The following MYOM1 variants were observed in gnomAD, a reference collection of about 807,000 sequenced individuals.
The protein encoded by MYOM1 is myomesin-1.
Under a neutral mutation model 205.3 loss-of-function variants are expected in MYOM1, and 164 were observed. The observed-to-expected ratio is 0.80, with a 90% CI of 0.70 to 0.91. The LOEUF (loss-of-function observed/expected upper bound fraction) is 0.91. Among genes scored for constraint, MYOM1 ranks in the 40% least tolerant of loss-of-function variants. MYOM1 has a pLI of 0.00. For synonymous variants in MYOM1, 772 were observed against 789.4 expected (o/e 0.98, Z 0.37); for missense variants, 2,011 against 2,127.3 (o/e 0.95, Z 1.08).
At chr18:3,139,233 TA>T (rs1190454887) in intron 14 of MYOM1, among the ~76,000 whole-genome samples, 1 of 152,222 alleles carries the variant, frequency 6.6e-6, no homozygotes, top group Non-Finnish European at 1.5e-5. Flanking sequence ...AAATCTTGGC[TA>T]TGTTCGTTCC....
chr18:3,102,575 G>A lies in MYOM1; in HGVS notation c.3474C>T (p.Phe1158=), dbSNP rs752205650. ...VDDDGVISLN[F]ECDKMTPKSE... is the part of the protein sequence containing the mutation. Reference sequence around the variant, plus strand: ...ACTTTGGAGTCATCTTATCACACTCGAAGTTCAATGAAATGACTCCATCAT... The same window carrying A: ...ACTTTGGAGTCATCTTATCACACTCAAAGTTCAATGAAATGACTCCATCAT... Residue 1158 remains phenylalanine, a synonymous_variant, in exon 23 of 38, where the codon TTC becomes TTT. Transcript: ENST00000356443. 5.0e-6 allele frequency: 8 copies of A among 1,613,702 alleles called. No individual in the cohort carries two copies. The highest frequency in any genetic ancestry group is 3.3e-5 in the Admixed American group (2 of 59,994).
chr18:3,127,242 G>A (rs1276055171), intron 18 of MYOM1, among the ~76,000 whole-genome samples: 1 of 139,242 alleles, frequency 7.2e-6, no homozygotes, highest in East Asian at 2.2e-4. Context: ...AATGGAATGT[G>A]TATATCAATT....
At position 3,129,285 on chromosome 18, in the gene MYOM1, G is replaced by A. The variant is rs1330770771; in HGVS notation, c.2741C>T (p.Ala914Val). Reference sequence around the variant, plus strand: ...AGACTTACTTTTCCCCTGAGGAGCCGCTTTCTGTGGTGGCGGGGTAAGCTC... The same window carrying A: ...AGACTTACTTTTCCCCTGAGGAGCCACTTTCTGTGGTGGCGGGGTAAGCTC... ...QEELTPPPQK[A>V]APQGKSKSDP... The change falls in exon 18 of 38, where the codon GCG becomes GTG. Residue 914 changes from alanine (A) to valine (V), a missense_variant. Transcript: ENST00000356443. 3.1e-6 allele frequency: 5 copies of A among 1,613,966 alleles called. No homozygotes were observed. Among genetic ancestry groups the A allele is most frequent in the South Asian group, 1.1e-5 (1 of 91,080 alleles).
intron 34 of MYOM1, among the ~76,000 whole-genome samples, chr18:3,078,225 A>G (rs2079042212): frequency 6.6e-6 from 1 of 152,044 alleles, no homozygotes; most frequent in South Asian, 2.1e-4. Context: ...TATTTTTAGT[A>G]GAGACGCGGT....
chr18:3,081,852 A>T (rs922830516), intron 33 of MYOM1, among the ~76,000 whole-genome samples: 6 of 152,228 alleles, frequency 3.9e-5, no homozygotes, highest in Non-Finnish European at 8.8e-5. Flanking sequence ...TTTATATAAC[A>T]GTAAAGTCAT....
intron 19 of MYOM1, 135 bp from the exon 20 acceptor site, chr18:3,120,130 T>C (rs1426903206): frequency 8.3e-7 from 1 of 1,201,732 alleles, no homozygotes; most frequent in African/African-American, 1.5e-5. Context: ...ACACCCCTTT[T>C]GTAATCTCCT....
chr18:3,217,512 C>T (rs900691434), intron 1 of MYOM1, among the ~76,000 whole-genome samples: 1 of 152,110 alleles, frequency 6.6e-6, no homozygotes, highest in African/African-American at 2.4e-5. Flanking sequence ...CCAGAGGAGA[C>T]ATTTTAAGTG....
chr18:3,091,813 C>T (rs2079230908), intron 26 of MYOM1, among the ~76,000 whole-genome samples: 1 of 152,042 alleles, frequency 6.6e-6, no homozygotes, highest in South Asian at 2.1e-4. Flanking sequence ...CTAATTGCAA[C>T]CTCGGCCTCC....
At chr18:3,115,205 C>T (rs2143814009) in intron 21 of MYOM1, among the ~76,000 whole-genome samples, 1 of 152,254 alleles carries the variant, frequency 6.6e-6, no homozygotes, top group South Asian at 2.1e-4. Flanking sequence ...TTCAGTCCTT[C>T]CTTGAACTTT....
chr18:3,183,342 G>A (rs1318036388), intron 5 of MYOM1, among the ~76,000 whole-genome samples: 2 of 152,218 alleles, frequency 1.3e-5, no homozygotes, highest in Non-Finnish European at 2.9e-5. Context: ...TTTAATGAGG[G>A]ATGTGTGTGC....
chr18:3,194,300 A>AAATGGTCTATAT (rs1178185918), intron 2 of MYOM1, among the ~76,000 whole-genome samples: 2 of 152,212 alleles, frequency 1.3e-5, no homozygotes, highest in Admixed American at 1.3e-4. Context: ...CAGTCTATAT[A>AAATGGTCTATAT]AATGGTTTGA....
Position 3,188,834 on chromosome 18 carries a change from C to A in MYOM1, c.685G>T (p.Ala229Ser), listed in dbSNP as rs762212739. 2 of 1,612,608 alleles carry A rather than the reference C, an allele frequency of 1.2e-6. No homozygotes were observed. The highest frequency in any genetic ancestry group is 1.7e-6 in the Non-Finnish European group (2 of 1,179,170). Residue 229 changes from alanine (A) to serine (S), a missense_variant, in exon 4 of 38, where the codon GCT becomes TCT. Coordinates refer to ENST00000356443, the MANE Select transcript of MYOM1 (RefSeq NM_003803.4). ...QSVVSKQATSALQQEETSEKK... is the reference protein window; with the variant it reads ...QSVVSKQATSSLQQEETSEKK... The stretch of plus-strand genomic sequence containing the variant: ...TCAGAAGTTTCTTCCTGTTGAAGAG[C>A]GGATGTGGCCTGTTTGGAAACCACA...
chr18:3,111,052 C>T (rs368329138), intron 22 of MYOM1, among the ~76,000 whole-genome samples: 2 of 2,180 alleles, frequency 9.2e-4, no homozygotes, highest in African/African-American at 1.8e-3. Context: ...CCTGGGTTCA[C>T]GCGATTTTCC....
intron 29 of MYOM1, among the ~76,000 whole-genome samples, chr18:3,087,674 G>C (rs1201395946): frequency 1.3e-5 from 2 of 152,048 alleles, no homozygotes; most frequent in Non-Finnish European, 2.9e-5. Context: ...ATTTTTAGTA[G>C]AGACGGGGTT....
rs924081617 is a variant in MYOM1 at position 3,155,019 on chromosome 18, T to C, written c.1571A>G (p.Asp524Gly). Residue 524 changes from aspartate (D) to glycine (G), a missense_variant, in exon 11 of 38, where the codon GAT becomes GGT. Coordinates refer to ENST00000356443, the MANE Select transcript of MYOM1 (RefSeq NM_003803.4). ...LDVKCLEANK[D>G]YIIISWKQPA... The stretch of plus-strand genomic sequence containing the variant: ...CTGTTTCCAGGAGATGATGATATAA[T>C]CTTTGTTGGCCTCCAAGCACTTCAC... 1.2e-6 allele frequency: 2 copies of C among 1,613,508 alleles called. No homozygotes were observed. Among genetic ancestry groups the C allele is most frequent in the East Asian group, 4.5e-5 (2 of 44,868 alleles).
chr18:3,097,975 T>C (rs1044748972), intron 25 of MYOM1, among the ~76,000 whole-genome samples: 2 of 152,186 alleles, frequency 1.3e-5, no homozygotes, highest in Non-Finnish European at 2.9e-5. Flanking sequence ...TGACACCCCA[T>C]CTTCTCTCAT....
chr18:3,210,031 A>T (rs1567970063), intron 2 of MYOM1, among the ~76,000 whole-genome samples: 1 of 152,188 alleles, frequency 6.6e-6, no homozygotes, highest in Non-Finnish European at 1.5e-5. Context: ...CACCACACTC[A>T]ACATCTTACA....
Position 3,119,909 on chromosome 18 carries a change from G to C in MYOM1, c.3078C>G (p.Ser1026Arg), listed in dbSNP as rs984812597. 1.4e-5 allele frequency: 23 copies of C among 1,612,704 alleles called. No individual in the cohort carries two copies. Among genetic ancestry groups the C allele is most frequent in the Non-Finnish European group, 1.9e-5 (22 of 1,179,418 alleles). Residue 1026 changes from serine (S) to arginine (R), a missense_variant, in exon 20 of 38, where the codon AGC becomes AGG. Coordinates refer to ENST00000356443, the MANE Select transcript of MYOM1 (RefSeq NM_003803.4). ...MAGLGAPSAV[S>R]ECFKCEEWTI... ...TCCACTCTTCACATTTGAAGCATTCGCTTACTGCGGAGGGCGCGCCCAGCC... is the reference window on the plus strand; with the variant it reads ...TCCACTCTTCACATTTGAAGCATTCCCTTACTGCGGAGGGCGCGCCCAGCC...
At chr18:3,197,334 C>T (rs1456835387) in intron 2 of MYOM1, among the ~76,000 whole-genome samples, 1 of 151,930 alleles carries the variant, frequency 6.6e-6, no homozygotes, top group Non-Finnish European at 1.5e-5. Flanking sequence ...GACAGAGTTT[C>T]GCCATGTTGG....
Sources: gnomAD v4.1 joint callset for allele counts (sites outside exome capture counted in the v4.1 genomes callset) on GRCh38, gnomAD v4.1.1 for gene constraint, MANE v1.5 for transcripts, NCBI Gene and HGNC (gene_info 2026-07-23, HGNC 2026-07-21) for gene names.